Variants in CYP7B1 observed in about 807,000 individuals in gnomAD.
CYP7B1 encodes cytochrome P450 family 7 subfamily B member 1.
Under a neutral mutation model 42.7 loss-of-function variants are expected in CYP7B1, and 29 were observed. The observed-to-expected ratio is 0.68, with a 90% CI of 0.51 to 0.93. The LOEUF (loss-of-function observed/expected upper bound fraction) is 0.93. Among genes scored for constraint, CYP7B1 ranks in the 40% least tolerant of loss-of-function variants. CYP7B1 has a pLI of 0.00. For synonymous variants in CYP7B1, 235 were observed against 218.2 expected (o/e 1.08, Z -0.68); for missense variants, 655 against 600.5 (o/e 1.09, Z -0.95).
intron 1 of CYP7B1, among the ~76,000 whole-genome samples, chr8:64,662,111 C>T (rs775852848): frequency 1.3e-5 from 2 of 151,620 alleles, no homozygotes; most frequent in South Asian, 2.1e-4. Flanking sequence ...AATGAACCAA[C>T]GTGAGAGGCC....
intron 1 of CYP7B1, among the ~76,000 whole-genome samples, chr8:64,795,843 A>G (rs1804695031): frequency 6.6e-6 from 1 of 152,240 alleles, no homozygotes; most frequent in Admixed American, 6.5e-5. Flanking sequence ...TCACCAGATA[A>G]TATCCAACAA....
intron 1 of CYP7B1, among the ~76,000 whole-genome samples, chr8:64,797,371 G>C (rs1215102134): frequency 6.6e-6 from 1 of 152,152 alleles, no homozygotes; most frequent in African/African-American, 2.4e-5. Flanking sequence ...CCTGCAAATA[G>C]AGAAGGTGGA....
intron 1 of CYP7B1, among the ~76,000 whole-genome samples, chr8:64,719,212 C>T (rs1807202136): frequency 6.6e-6 from 1 of 152,114 alleles, no homozygotes; most frequent in Non-Finnish European, 1.5e-5. Context: ...CATAAGGTCT[C>T]TTTCTCCCCT....
chr8:64,645,006 T>C (rs1463257191), intron 1 of CYP7B1, among the ~76,000 whole-genome samples: 1 of 150,822 alleles, frequency 6.6e-6, no homozygotes, highest in East Asian at 2.0e-4. Flanking sequence ...TGAGAACATG[T>C]GGTGTTTGGT....
chr8:64,604,280 C>T (rs1390316636), intron 5 of CYP7B1, among the ~76,000 whole-genome samples: 1 of 152,188 alleles, frequency 6.6e-6, no homozygotes, highest in African/African-American at 2.4e-5. Context: ...GAACAGTCAA[C>T]CTCACTTTGG....
chr8:64,788,427 T>C (rs1026128651), intron 1 of CYP7B1, among the ~76,000 whole-genome samples: 1 of 152,220 alleles, frequency 6.6e-6, no homozygotes, highest in African/African-American at 2.4e-5. Context: ...CAGGTCTGCA[T>C]GGGTGTTCTC....
intron 1 of CYP7B1, among the ~76,000 whole-genome samples, chr8:64,785,496 A>G (rs757990129): frequency 2.1e-4 from 32 of 152,256 alleles, no homozygotes; most frequent in Non-Finnish European, 4.4e-4. Context: ...ACTGTGGTAC[A>G]TCTATGTAAT....
chr8:64,705,071 C>T (rs1806973298), intron 1 of CYP7B1, among the ~76,000 whole-genome samples: 1 of 151,928 alleles, frequency 6.6e-6, no homozygotes, highest in African/African-American at 2.4e-5. Context: ...TCAGTCATTC[C>T]CAGCTCTGGC....
chr8:64,712,392 C>T (rs1210837725), intron 1 of CYP7B1, among the ~76,000 whole-genome samples: 1 of 151,968 alleles, frequency 6.6e-6, no homozygotes, highest in Non-Finnish European at 1.5e-5. Flanking sequence ...AACTTTCTAC[C>T]ATTAACTCAA....
chr8:64,698,803 C>G (rs1005817118), intron 1 of CYP7B1, among the ~76,000 whole-genome samples: 1 of 152,022 alleles, frequency 6.6e-6, no homozygotes, highest in African/African-American at 2.4e-5. Context: ...CAAATTAGTA[C>G]TGAAGAAACA....
At chr8:64,749,389 T>C (rs1585893144) in intron 1 of CYP7B1, among the ~76,000 whole-genome samples, 1 of 152,142 alleles carries the variant, frequency 6.6e-6, no homozygotes, top group African/African-American at 2.4e-5. Flanking sequence ...CCCAGATTTG[T>C]ATTTTAGAAA....
At chr8:64,688,794 G>T (rs1053127645) in intron 1 of CYP7B1, among the ~76,000 whole-genome samples, 22 of 152,148 alleles carry the variant, frequency 1.4e-4, no homozygotes, top group Non-Finnish European at 3.1e-4. Context: ...AAGCACACTG[G>T]TGTGCACCTG....
chr8:64,676,705 C>T (rs772869869), intron 1 of CYP7B1, among the ~76,000 whole-genome samples: 43 of 152,048 alleles, frequency 2.8e-4, no homozygotes, highest in Admixed American at 1.8e-3. Context: ...AATATATTCT[C>T]TATTGCAACT....
intron 1 of CYP7B1, among the ~76,000 whole-genome samples, chr8:64,628,472 C>A (rs938813949): frequency 6.6e-6 from 1 of 151,850 alleles, no homozygotes; most frequent in Non-Finnish European, 1.5e-5. Flanking sequence ...ACAGTCAAAA[C>A]CTTTCTCTAC....
intron 1 of CYP7B1, among the ~76,000 whole-genome samples, chr8:64,772,967 A>T (rs1804261406): frequency 6.6e-6 from 1 of 152,058 alleles, no homozygotes; most frequent in East Asian, 1.9e-4. Context: ...TATTTGCTCA[A>T]ATATTACTTT....
intron 1 of CYP7B1, among the ~76,000 whole-genome samples, chr8:64,688,501 A>G (rs1252445506): frequency 6.6e-6 from 1 of 152,226 alleles, no homozygotes; most frequent in Non-Finnish European, 1.5e-5. Flanking sequence ...CTGAATGGAA[A>G]AAGAAATGCC....
intron 1 of CYP7B1, among the ~76,000 whole-genome samples, chr8:64,699,878 CA>C (rs1806886714): frequency 6.6e-6 from 1 of 152,066 alleles, no homozygotes; most frequent in Non-Finnish European, 1.5e-5. Flanking sequence ...TAATCACATT[CA>C]AGGAGTCATT....
intron 2 of CYP7B1, 38 bp downstream of exon 2, chr8:64,624,365 G>C: frequency 6.3e-7 from 1 of 1,585,278 alleles, no homozygotes; most frequent in Middle Eastern, 1.7e-4. Context: ...AGTGAAAAAT[G>C]ATGACATATA....
chr8:64,763,739 A>T (rs1392626028), intron 1 of CYP7B1, among the ~76,000 whole-genome samples: 1 of 152,234 alleles, frequency 6.6e-6, no homozygotes, highest in Non-Finnish European at 1.5e-5. Flanking sequence ...GGCCGCCTAG[A>T]GGCAGAAAGC....
Sources: gnomAD v4.1 joint callset for allele counts (sites outside exome capture counted in the v4.1 genomes callset) on GRCh38, gnomAD v4.1.1 for gene constraint, MANE v1.5 for transcripts, NCBI Gene and HGNC (gene_info 2026-07-23, HGNC 2026-07-21) for gene names.